The following CYTH4 variants were observed in gnomAD, a reference collection of about 807,000 sequenced individuals.
CYTH4 encodes the protein cytohesin 4, also known as cytohesin-4.
In CYTH4, 22 loss-of-function variants were observed where a neutral mutation model predicts 57.5. That is an observed-to-expected ratio of 0.38 (90% confidence interval 0.27 to 0.55). The LOEUF (loss-of-function observed/expected upper bound fraction) is 0.55, where lower values mean the gene tolerates loss of function less well. Among genes scored for constraint, CYTH4 ranks in the 20% least tolerant of loss-of-function variants. The pLI is 0.74. For synonymous variants in CYTH4, 186 were observed against 206.5 expected (o/e 0.90, Z 0.85); for missense variants, 420 against 535.6 (o/e 0.78, Z 2.13).
chr22:37,288,730 G>T (rs150070172), intron 1 of CYTH4, among the ~76,000 whole-genome samples: 126 of 152,350 alleles, frequency 8.3e-4, no homozygotes, highest in Admixed American at 2.6e-3. Context: ...TAGGGCATAT[G>T]GTGCCTCCTG....
rs557434035 is a variant in CYTH4, at chr22:37,315,306, A to G, written c.*1795A>G. 7.9e-5 allele frequency: 12 copies of G among 151,960 alleles called. No homozygotes were observed. Among genetic ancestry groups the G allele is most frequent in the African/African-American group, 2.4e-4 (10 of 41,132 alleles). The allele number at this position is 151,960 out of a possible 1,614,324, so 9.4% of individuals were successfully genotyped here. ...TCTGGGCATAAGTGGCTGTTCTGGG[A>G]GTCATTCCAAAGAGAGAATAAAACT... On this transcript the variant is annotated 3_prime_UTR_variant, in exon 13 of 13. Coordinates refer to ENST00000248901, the MANE Select transcript of CYTH4 (RefSeq NM_013385.5).
At chr22:37,284,664 C>T (rs1218267876) in intron 1 of CYTH4, among the ~76,000 whole-genome samples, 1 of 152,124 alleles carries the variant, frequency 6.6e-6, no homozygotes, top group Non-Finnish European at 1.5e-5. Flanking sequence ...GGTTCCAGCT[C>T]TGCACCACCC....
At chr22:37,285,683 C>T (rs140735420) in intron 1 of CYTH4, among the ~76,000 whole-genome samples, 1 of 152,066 alleles carries the variant, frequency 6.6e-6, no homozygotes, top group Admixed American at 6.5e-5. Context: ...TGCACTCCAG[C>T]CTGGGTAACA....
At chr22:37,285,149 A>C (rs1156241775) in intron 1 of CYTH4, among the ~76,000 whole-genome samples, 2 of 152,368 alleles carry the variant, frequency 1.3e-5, no homozygotes, top group Non-Finnish European at 2.9e-5. Flanking sequence ...TCCTGGAAGC[A>C]GGGCTGCAAG....
At chr22:37,286,381 T>C (rs1183124254) in intron 1 of CYTH4, among the ~76,000 whole-genome samples, 3 of 152,170 alleles carry the variant, frequency 2.0e-5, no homozygotes, top group South Asian at 2.1e-4. Flanking sequence ...AGCTTAGAAG[T>C]ACCTTTCCTT....
At chr22:37,282,715 C>A in intron 1 of CYTH4, 127 bp downstream of exon 1, 1 of 859,794 alleles carries the variant, frequency 1.2e-6, no homozygotes, top group Non-Finnish European at 1.8e-6. Context: ...CTGCAAGAAG[C>A]AAACATTTGT....
intron 5 of CYTH4, 42 bp from the exon 6 acceptor site, chr22:37,299,184 T>G (rs1569108435): frequency 8.5e-6 from 13 of 1,524,762 alleles, no homozygotes; most frequent in Non-Finnish European, 1.2e-5. Context: ...TGCCAGCAAG[T>G]ATCCAAGTGT....
Position 37,311,484 on chromosome 22 carries a change from T to G in CYTH4, c.914T>G (p.Leu305Arg). The change falls in exon 11 of 13, where the codon CTT (leucine) becomes CGT (arginine). Residue 305 changes from leucine (L) to arginine (R), a missense_variant. By Grantham distance (102) the Leu-to-Arg change is moderately radical (BLOSUM62 -2). Transcript: ENST00000248901. The surrounding 1 kb of genome is among the most constrained non-coding windows in gnomAD (Gnocchi z 4.4). ...TDKEPRGIIP[L>R]ENLSVQKVDD... Reference sequence around the variant, plus strand: ...AAGGAGCCACGGGGAATTATACCTCTTGAGAACCTCTCGGTGCAGAAGGTG... The same window carrying G: ...AAGGAGCCACGGGGAATTATACCTCGTGAGAACCTCTCGGTGCAGAAGGTG... The G allele has an allele frequency of 6.2e-7, 1 of 1,613,932 alleles. No individual in the cohort carries two copies. Among genetic ancestry groups the G allele is most frequent in the Non-Finnish European group, 8.5e-7 (1 of 1,179,966 alleles).
At chr22:37,312,780 T>G (rs1929694094) in intron 12 of CYTH4, among the ~76,000 whole-genome samples, 1 of 152,058 alleles carries the variant, frequency 6.6e-6, no homozygotes, top group South Asian at 2.1e-4. Flanking sequence ...GGTTCTGTGG[T>G]GCCACCAACA....
rs534796718 is a variant in CYTH4 at position 37,302,966 on chromosome 22, G to A, written c.548-288G>A. ...TGAGCCGTGGCTGAGCGAGAAGGAG[G>A]ATTGAAGCGGAGAGGAGGGAAGGAA... is the stretch of plus-strand genomic sequence containing the variant. On this transcript the variant is annotated intron_variant, in intron 7 of 12. Transcript: ENST00000248901. 4.9e-3 allele frequency among the ~76,000 whole-genome samples: 736 copies of A among 151,738 alleles called. 6 individuals are homozygous for A. The highest frequency in any genetic ancestry group is 0.024 in the South Asian group (114 of 4,786).
rs55712271 is a variant in CYTH4 at position 37,311,753 on chromosome 22, C to T, written c.957+226C>T. 8.8e-3 allele frequency: 5,736 copies of T among 650,072 alleles called. 205 individuals are homozygous for T. Among genetic ancestry groups the T allele is most frequent in the African/African-American group, 0.085 (4,635 of 54,794 alleles). 40.3% of individuals were successfully genotyped at this position (650,072 alleles called of 1,614,324 possible). ...TTGTCCCCTGTTGTCCCACACAGCC[C>T]GACTGGCTGGATGGCCCCGAGTAAG... On this transcript the variant is annotated intron_variant, in intron 11 of 12. Transcript: ENST00000248901. This position sits in a 1 kb window ranked among gnomAD's most constrained non-coding sequence, Gnocchi z 4.4.
chr22:37,314,204 G>A lies in CYTH4; in HGVS notation c.*693G>A. The A allele has an allele frequency of 2.5e-6, 1 of 397,120 alleles. No individual in the cohort carries two copies. The highest frequency in any genetic ancestry group is 4.4e-6 in the Non-Finnish European group (1 of 225,578). 24.6% of individuals were successfully genotyped at this position (397,120 alleles called of 1,614,324 possible). A position where few individuals can be genotyped will look rare whatever the true frequency, so the allele number is the denominator to read the frequency against. On this transcript the variant is annotated 3_prime_UTR_variant, in exon 13 of 13. Transcript: ENST00000248901. ...GCAGTGTTTGGACTAGAAACGTATTGGCCCCTGCTAGCCCTGTGCTCCAGC... is the reference window on the plus strand; with the variant it reads ...GCAGTGTTTGGACTAGAAACGTATTAGCCCCTGCTAGCCCTGTGCTCCAGC...
intron 1 of CYTH4, among the ~76,000 whole-genome samples, chr22:37,291,512 G>A (rs1331819410): frequency 6.6e-6 from 1 of 152,230 alleles, no homozygotes; most frequent in African/African-American, 2.4e-5. Flanking sequence ...GCAGACAGGA[G>A]AAGGCATCCC....
chr22:37,305,598 AG>A (rs1929365686), intron 8 of CYTH4, among the ~76,000 whole-genome samples: 3 of 152,178 alleles, frequency 2.0e-5, no homozygotes, highest in African/African-American at 7.2e-5. Flanking sequence ...AGAAACACAC[AG>A]GCAGCTGCGT....
chr22:37,311,193 C>T lies in CYTH4; in HGVS notation c.885+129C>T. The T allele has an allele frequency of 9.1e-7, 1 of 1,097,868 alleles. No individual in the cohort carries two copies. The highest frequency in any genetic ancestry group is 1.4e-5 in the South Asian group (1 of 72,200). The allele number at this position is 1,097,868 out of a possible 1,614,324, so 68.0% of individuals were successfully genotyped here. ...GAGATCATTCAGTCCCCCTCCATGC[C>T]CATTTTACAGATGGGGAAAACGGGT... On this transcript the variant is annotated intron_variant, in intron 10 of 12. Coordinates refer to ENST00000248901, the MANE Select transcript of CYTH4 (RefSeq NM_013385.5). This position sits in a 1 kb window ranked among gnomAD's most constrained non-coding sequence, Gnocchi z 4.4.
At chr22:37,313,343 TC>T in intron 12 of CYTH4, 95 bp from the exon 13 acceptor site, 1 of 1,270,080 alleles carries the variant, frequency 7.9e-7, no homozygotes, top group East Asian at 2.3e-5. Context: ...GGCTGACACC[TC>T]CCTGGGAATC....
Position 37,298,109 on chromosome 22 carries a change from C to T in CYTH4, c.353+427C>T, listed in dbSNP as rs1190272385. The T allele has an allele frequency of 6.2e-6, 1 of 161,136 alleles. No individual in the cohort carries two copies. The highest frequency in any genetic ancestry group is 1.4e-5 in the Non-Finnish European group (1 of 73,232). 10.0% of individuals were successfully genotyped at this position (161,136 alleles called of 1,614,324 possible). ...GACCGGCCAGGCTCGGGGCTCATGC[C>T]TGTAATCCCAGCACTTTGGGAGGCC... is the stretch of plus-strand genomic sequence containing the variant. On this transcript the variant is annotated intron_variant, in intron 5 of 12. Transcript: ENST00000248901. This position sits in a 1 kb window ranked among gnomAD's most constrained non-coding sequence, Gnocchi z 4.1.
rs371971099 is a variant in CYTH4 at position 37,282,607 on chromosome 22, C to T, written c.19+19C>T. On this transcript the variant is annotated intron_variant, in intron 1 of 12. Transcript: ENST00000248901. ...CACCCAGGTAAGCAACTGCCGTCAACCTCTCTGGGCCTCAGGGTGCTCTCT... is the reference window on the plus strand; with the variant it reads ...CACCCAGGTAAGCAACTGCCGTCAATCTCTCTGGGCCTCAGGGTGCTCTCT... 2 of 1,600,164 alleles carry T rather than the reference C, an allele frequency of 1.2e-6. No individual in the cohort carries two copies. Among genetic ancestry groups the T allele is most frequent in the Middle Eastern group, 1.7e-4 (1 of 6,028 alleles).
At chr22:37,283,444 C>T (rs1434807799) in intron 1 of CYTH4, among the ~76,000 whole-genome samples, 14 of 152,162 alleles carry the variant, frequency 9.2e-5, no homozygotes, top group African/African-American at 3.1e-4. Context: ...AACCTAAGGG[C>T]TCGTGGGAGC....
Sources: allele counts gnomAD v4.1 joint callset (sites outside exome capture counted in the v4.1 genomes callset), GRCh38; gene constraint gnomAD v4.1.1; non-coding constraint Gnocchi (gnomAD v3.1); transcripts MANE v1.5; gene names NCBI Gene and HGNC (gene_info 2026-07-23, HGNC 2026-07-21).